Variants in ZNF609 observed in about 807,000 individuals in gnomAD.
The protein encoded by ZNF609 is zinc finger protein 609.
ZNF609 carries 11 observed loss-of-function variants against 109.5 expected under a neutral mutation model. That is an observed-to-expected ratio of 0.10 (90% CI 0.06 to 0.17). The LOEUF is 0.17. Among genes scored for constraint, ZNF609 ranks in the 10% least tolerant of loss-of-function variants. The pLI is 1.00. For missense variants in ZNF609, 1,559 were observed against 1,772.4 expected, an observed-to-expected ratio of 0.88 and a Z score of 2.16; for synonymous variants, 646 against 662.0, an observed-to-expected ratio of 0.98 and a Z score of 0.37.
chr15:64,580,950 G>A (rs1221399541), intron 2 of ZNF609, among the ~76,000 whole-genome samples: 1 of 107,294 alleles, frequency 9.3e-6, no homozygotes, highest in East Asian at 2.8e-4. Flanking sequence ...AGTCTTCAAT[G>A]TCTTCTTTTT....
At chr15:64,481,086 T>C (rs1262616608) in intron 1 of ZNF609, among the ~76,000 whole-genome samples, 1 of 152,190 alleles carries the variant, frequency 6.6e-6, no homozygotes, top group African/African-American at 2.4e-5. Flanking sequence ...GAGAACAAAA[T>C]CTGTCATGCG....
chr15:64,477,792 C>G (rs1449724560), intron 1 of ZNF609, among the ~76,000 whole-genome samples: 1 of 152,138 alleles, frequency 6.6e-6, no homozygotes. Flanking sequence ...CCGCGCCCAG[C>G]TAATTGTTAT....
intron 2 of ZNF609, among the ~76,000 whole-genome samples, chr15:64,598,613 T>C (rs1214268645): frequency 1.3e-5 from 2 of 151,514 alleles, no homozygotes; most frequent in Non-Finnish European, 2.9e-5. Context: ...GTTGTAGATA[T>C]GTCATTGATG....
Position 64,638,017 on chromosome 15 carries a change from A to AT in ZNF609, c.973+14965_973+14966insT, listed in dbSNP as rs1567036319. On this transcript the variant is annotated intron_variant, in intron 3 of 9. Coordinates refer to ENST00000326648, the MANE Select transcript of ZNF609 (RefSeq NM_015042.2). ...TTTTATATATATATATATATATATA[A>AT]AATATATATAAAAATACATATATAT... 2.6e-3 allele frequency among the ~76,000 whole-genome samples: 227 copies of AT among 88,198 alleles called. 1 individual carries two copies. In the East Asian group the frequency reaches 0.056, roughly 22 times the overall value. The allele number at this position is 88,198 out of a possible 152,430, so 57.9% of individuals were successfully genotyped here.
At position 64,481,259 on chromosome 15, in the gene ZNF609, AGT is replaced by A. The variant is rs537491427; in HGVS notation, c.-127-18033_-127-18032del. Among the ~76,000 whole-genome samples the A allele has an allele frequency of 5.7e-4, 86 of 152,188 alleles. 1 individual carries two copies. Among genetic ancestry groups the A allele is most frequent in the African/African-American group, 2.0e-3 (84 of 41,526 alleles). On this transcript the variant is annotated intron_variant, in intron 1 of 9. Transcript: ENST00000326648. ...AGAGATCAAAAGGACCATACAAAAC[AGT>A]TGGTTATTTGGCATAGGCTTAGAGG...
intron 2 of ZNF609, among the ~76,000 whole-genome samples, chr15:64,599,881 T>G (rs908089404): frequency 6.6e-6 from 1 of 152,226 alleles, no homozygotes; most frequent in African/African-American, 2.4e-5. Flanking sequence ...CTTTCTTCTT[T>G]TCTTGGGAAA....
intron 3 of ZNF609, among the ~76,000 whole-genome samples, chr15:64,625,171 T>A (rs868006542): frequency 4.6e-4 from 70 of 152,308 alleles, no homozygotes; most frequent in African/African-American, 1.5e-3. Flanking sequence ...TCTACTGTGT[T>A]AGAAGTTCTG....
At chr15:64,602,889 A>ATTTTTTTTTTTTTTTTTT (rs10600562) in intron 2 of ZNF609, among the ~76,000 whole-genome samples, 18 of 75,164 alleles carry the variant, frequency 2.4e-4, no homozygotes, top group Non-Finnish European at 3.7e-4. Flanking sequence ...CTCTGGGCTA[A>ATTTTTTTTTTTTTTTTTT]TTTTTTTTTT....
At chr15:64,608,327 A>C (rs627101) in intron 2 of ZNF609, among the ~76,000 whole-genome samples, 57,543 of 152,016 alleles carry the variant, frequency 0.38, 12,319 homozygotes, top group East Asian at 0.87. Flanking sequence ...GTAATACAGT[A>C]CTCTCATGTA....
At chr15:64,565,208 T>G (rs894763723) in intron 2 of ZNF609, among the ~76,000 whole-genome samples, 1 of 112,648 alleles carries the variant, frequency 8.9e-6, no homozygotes, top group Non-Finnish European at 2.0e-5. Flanking sequence ...TACAGGCAGG[T>G]GCCACCATGC....
At chr15:64,653,527 T>G (rs1425168050) in intron 3 of ZNF609, among the ~76,000 whole-genome samples, 1 of 152,182 alleles carries the variant, frequency 6.6e-6, no homozygotes, top group Non-Finnish European at 1.5e-5. Context: ...GCGCCTGTAG[T>G]CCCAGCTACT....
Position 64,682,771 on chromosome 15 carries a change from T to C in ZNF609, c.*1085T>C, listed in dbSNP as rs1441289864. The C allele has an allele frequency of 1.3e-5, 2 of 152,502 alleles. No homozygotes were observed. Among genetic ancestry groups the C allele is most frequent in the East Asian group, 1.9e-4 (1 of 5,188 alleles). 9.4% of individuals were successfully genotyped at this position (152,502 alleles called of 1,614,324 possible). ...TCTAGCCATCTGATATCTTCCTCATTTGAGGCCACAGATATATACAGCCCA... is the reference window on the plus strand; with the variant it reads ...TCTAGCCATCTGATATCTTCCTCATCTGAGGCCACAGATATATACAGCCCA... On this transcript the variant is annotated 3_prime_UTR_variant, in exon 10 of 10. Coordinates refer to ENST00000326648, the MANE Select transcript of ZNF609 (RefSeq NM_015042.2).
chr15:64,484,696 C>T (rs1351235183), intron 1 of ZNF609, among the ~76,000 whole-genome samples: 1 of 76,128 alleles, frequency 1.3e-5, no homozygotes, highest in African/African-American at 4.8e-5. Context: ...AAAAAAAAAG[C>T]TGGATGCGGT....
intron 2 of ZNF609, among the ~76,000 whole-genome samples, chr15:64,537,339 A>C (rs1262039121): frequency 6.6e-6 from 1 of 151,628 alleles, no homozygotes; most frequent in Non-Finnish European, 1.5e-5. Flanking sequence ...CTCTACTAAA[A>C]ATACATACAA....
At chr15:64,553,272 A>C (rs369223990) in intron 2 of ZNF609, among the ~76,000 whole-genome samples, 26,914 of 150,068 alleles carry the variant, frequency 0.18, 3,304 homozygotes, top group South Asian at 0.42. Context: ...CATGCCTTAA[A>C]AAAAAAAAAA....
At chr15:64,671,312 A>G (rs1441667004) in intron 4 of ZNF609, 1 of 152,066 alleles carries the variant, frequency 6.6e-6, no homozygotes, top group Non-Finnish European at 1.5e-5. Context: ...TACAGAGAAG[A>G]TTAGCATGGC....
chr15:64,494,940 A>G (rs1566997596), intron 1 of ZNF609, among the ~76,000 whole-genome samples: 4 of 152,180 alleles, frequency 2.6e-5, no homozygotes, highest in South Asian at 4.1e-4. Context: ...GTCTTGTACC[A>G]TACTGTGCTC....
Position 64,676,042 on chromosome 15 carries a change from G to T in ZNF609, c.3188G>T (p.Gly1063Val), listed in dbSNP as rs2141016704. Residue 1063 changes from glycine to valine, a missense_variant, in exon 5 of 10, where the codon GGA becomes GTA. This residue lies in a region of ZNF609 where 1,204 missense variants were observed against 1,314.1 expected (regional missense o/e 0.92). Coordinates refer to ENST00000326648, the MANE Select transcript of ZNF609 (RefSeq NM_015042.2). ...AGCCTGACAGACCTGGTGAAATCAG[G>T]ACCTGGCAAGGCCAAGGAGCCAGGG... is the stretch of plus-strand genomic sequence containing the variant. ...APSLTDLVKS[G>V]PGKAKEPGAD... The T allele has an allele frequency of 6.2e-7, 1 of 1,614,216 alleles. No homozygotes were observed. The highest frequency in any genetic ancestry group is 1.1e-5 in the South Asian group (1 of 91,084).
At chr15:64,644,480 C>T (rs540075274) in intron 3 of ZNF609, among the ~76,000 whole-genome samples, 1 of 152,036 alleles carries the variant, frequency 6.6e-6, no homozygotes, top group African/African-American at 2.4e-5. Context: ...AAGAGTGAGA[C>T]CCTGTGTCAA....
Sources: gnomAD v4.1 joint callset for allele counts (sites outside exome capture counted in the v4.1 genomes callset) on GRCh38, gnomAD v4.1.1 for gene constraint, gnomAD v4.1.1 regional missense constraint, MANE v1.5 for transcripts, NCBI Gene and HGNC (gene_info 2026-07-23, HGNC 2026-07-21) for gene names.